Variants in NBEA observed in about 807,000 individuals in gnomAD.
NBEA encodes lysosomal-trafficking regulator 2.
A neutral mutation model predicts 343.4 loss-of-function variants in NBEA; 44 were observed. The ratio of observed to expected loss-of-function variants is 0.13; its 90% CI spans 0.10 to 0.16. NBEA has a LOEUF of 0.16. NBEA is among the 10% of genes least tolerant of loss of function. The probability of loss-of-function intolerance (pLI) is 1.00; values close to 1 mark genes in which losing one functional copy is unlikely to be tolerated. For synonymous variants in NBEA, 1,175 were observed against 1,238.7 expected (o/e 0.95, Z 1.08); for missense variants, 2,555 against 3,631.3 (o/e 0.70, Z 7.62).
intron 10 of NBEA, among the ~76,000 whole-genome samples, chr13:35,073,516 A>C (rs1166672851): frequency 2.6e-5 from 4 of 152,094 alleles, no homozygotes; most frequent in African/African-American, 9.7e-5. Flanking sequence ...TCTTCCACAT[A>C]GTTTTCTCTA....
intron 40 of NBEA, among the ~76,000 whole-genome samples, chr13:35,468,688 A>G (rs1211379396): frequency 2.0e-5 from 3 of 152,090 alleles, no homozygotes; most frequent in Non-Finnish European, 4.4e-5. Context: ...GCAATGAGTA[A>G]TAAAACCCAC....
intron 31 of NBEA, among the ~76,000 whole-genome samples, chr13:35,201,494 CT>C: frequency 6.6e-6 from 1 of 151,934 alleles, no homozygotes; most frequent in Non-Finnish European, 1.5e-5. Flanking sequence ...TTATTTTTCT[CT>C]TTTAAGTTTC....
chr13:34,956,267 G>A (rs1225304639), intron 1 of NBEA, among the ~76,000 whole-genome samples: 20 of 151,872 alleles, frequency 1.3e-4, no homozygotes, highest in Admixed American at 9.2e-4. Context: ...TCTTTGAGGT[G>A]AATGATGATT....
At chr13:35,001,828 C>CA (rs958245396) in intron 1 of NBEA, among the ~76,000 whole-genome samples, 16 of 152,096 alleles carry the variant, frequency 1.1e-4, no homozygotes, top group African/African-American at 3.9e-4. Flanking sequence ...ATTTCCAACA[C>CA]AAAGACGTGA....
chr13:35,239,513 T>G (rs1327539824), intron 34 of NBEA, among the ~76,000 whole-genome samples: 1 of 152,120 alleles, frequency 6.6e-6, no homozygotes, highest in African/African-American at 2.4e-5. Context: ...TTATTAATAT[T>G]CTAATTATTT....
chr13:35,483,619 G>T (rs535331465), intron 41 of NBEA, among the ~76,000 whole-genome samples: 155 of 151,818 alleles, frequency 1.0e-3, no homozygotes, highest in Non-Finnish European at 1.6e-3. Flanking sequence ...CAAATATTTT[G>T]TCTTTTTACA....
At chr13:35,402,265 A>C (rs1235540736) in intron 38 of NBEA, among the ~76,000 whole-genome samples, 3 of 152,032 alleles carry the variant, frequency 2.0e-5, no homozygotes, top group Admixed American at 6.6e-5. Context: ...ATACCTGAAT[A>C]GTAAAAATGA....
At chr13:35,005,649 G>A (rs189174400) in intron 1 of NBEA, among the ~76,000 whole-genome samples, 91 of 152,258 alleles carry the variant, frequency 6.0e-4, no homozygotes, top group African/African-American at 2.0e-3. Flanking sequence ...AAGTGAAACA[G>A]TTACTTACAG....
At chr13:35,235,724 T>G (rs555788374) in intron 34 of NBEA, among the ~76,000 whole-genome samples, 1 of 152,298 alleles carries the variant, frequency 6.6e-6, no homozygotes, top group Admixed American at 6.5e-5. Context: ...CATTGTTTCT[T>G]ACTTATTTCT....
At chr13:35,650,342 T>A (rs1481364900) in intron 52 of NBEA, among the ~76,000 whole-genome samples, 1 of 152,224 alleles carries the variant, frequency 6.6e-6, no homozygotes, top group Non-Finnish European at 1.5e-5. Context: ...ACTCTATTTT[T>A]GCAGAGCTTA....
intron 38 of NBEA, among the ~76,000 whole-genome samples, chr13:35,419,869 T>G (rs533905590): frequency 6.6e-6 from 1 of 152,126 alleles, no homozygotes; most frequent in Non-Finnish European, 1.5e-5. Flanking sequence ...CACAGTATAG[T>G]AGGGTATAGC....
chr13:35,588,793 T>G (rs1450300877), intron 46 of NBEA, among the ~76,000 whole-genome samples: 2 of 152,188 alleles, frequency 1.3e-5, no homozygotes, highest in African/African-American at 4.8e-5. Flanking sequence ...TCTTTTTCCC[T>G]GGCTTGCTGA....
intron 17 of NBEA, among the ~76,000 whole-genome samples, chr13:35,125,133 G>T (rs528146196): frequency 1.3e-5 from 2 of 152,156 alleles, no homozygotes; most frequent in South Asian, 4.1e-4. Flanking sequence ...CCTTTTTCCT[G>T]TAAAATGTAT....
chr13:35,054,647 T>C (rs369686335), intron 6 of NBEA, among the ~76,000 whole-genome samples: 21 of 147,582 alleles, frequency 1.4e-4, no homozygotes, highest in African/African-American at 4.7e-4. Flanking sequence ...TCTTTTCTTT[T>C]TTTTTTTTTT....
At chr13:35,423,959 A>C (rs957298586) in intron 38 of NBEA, among the ~76,000 whole-genome samples, 1 of 151,972 alleles carries the variant, frequency 6.6e-6, no homozygotes, top group African/African-American at 2.4e-5. Flanking sequence ...TTTGTCTGTT[A>C]TTGGTGTGTA....
intron 30 of NBEA, among the ~76,000 whole-genome samples, chr13:35,193,779 C>T (rs368886278): frequency 4.5e-4 from 68 of 151,812 alleles, no homozygotes; most frequent in African/African-American, 1.6e-3. Flanking sequence ...TATCATATTC[C>T]ACAGATTAAT....
intron 39 of NBEA, among the ~76,000 whole-genome samples, chr13:35,451,180 G>A (rs2046292049): frequency 6.6e-6 from 1 of 152,176 alleles, no homozygotes; most frequent in African/African-American, 2.4e-5. Context: ...CTGGAGTGCA[G>A]TGGCGCGATC....
chr13:35,365,867 T>C (rs989642014), intron 38 of NBEA, among the ~76,000 whole-genome samples: 22 of 151,680 alleles, frequency 1.5e-4, no homozygotes, highest in African/African-American at 1.9e-4. Context: ...TACAGTGATA[T>C]TGTTCTATAT....
At chr13:35,183,507 C>T (rs2071459775) in intron 29 of NBEA, among the ~76,000 whole-genome samples, 2 of 152,006 alleles carry the variant, frequency 1.3e-5, no homozygotes, top group South Asian at 4.1e-4. Flanking sequence ...GTTTTAGCTA[C>T]AGTATTTTGC....
Sources: allele counts gnomAD v4.1 joint callset (sites outside exome capture counted in the v4.1 genomes callset), GRCh38; gene constraint gnomAD v4.1.1; transcripts MANE v1.5; gene names NCBI Gene and HGNC (gene_info 2026-07-23, HGNC 2026-07-21).